AFF3: variants seen among roughly 807,000 people sequenced by gnomAD.
AFF3 encodes ALF transcription elongation factor 3.
AFF3 carries 32 observed loss-of-function variants against 129.7 expected under a neutral mutation model. The ratio of observed to expected loss-of-function variants is 0.25; its 90% CI spans 0.19 to 0.33. AFF3 has a LOEUF of 0.33. Among genes scored for constraint, AFF3 ranks in the 10% least tolerant of loss-of-function variants. The probability of loss-of-function intolerance (pLI) is 1.00; values close to 1 mark genes in which losing one functional copy is unlikely to be tolerated. For synonymous variants in AFF3, 644 were observed against 635.4 expected (o/e 1.01, Z -0.20); for missense variants, 1,373 against 1,592.0 (o/e 0.86, Z 2.34).
intron 7 of AFF3, among the ~76,000 whole-genome samples, chr2:100,003,594 A>G (rs1681659846): frequency 6.6e-6 from 1 of 152,302 alleles, no homozygotes; most frequent in South Asian, 2.1e-4. Context: ...AGAGTTAAAG[A>G]ATTCTCTTGA....
chr2:100,142,295 A>G (rs926850009), intron 1 of AFF3, among the ~76,000 whole-genome samples, 189 bp downstream of exon 1: 16 of 149,858 alleles, frequency 1.1e-4, no homozygotes, highest in Admixed American at 6.7e-5. Flanking sequence ...TTCCTTCTCA[A>G]TCCCTCTGGC....
At chr2:100,104,795 TGCA>T (rs1559128027) in intron 3 of AFF3, 1 of 721,778 alleles carries the variant, frequency 1.4e-6, no homozygotes, top group Non-Finnish European at 1.6e-6. Flanking sequence ...GGCCCGCTGC[TGCA>T]GCCGCCGCCG....
intron 4 of AFF3, among the ~76,000 whole-genome samples, chr2:100,078,930 T>C (rs888418293): frequency 2.4e-4 from 36 of 150,566 alleles, no homozygotes; most frequent in African/African-American, 8.5e-4. Flanking sequence ...TGGGGCTCCT[T>C]TGCTGAATAT....
chr2:100,134,514 A>C (rs1161884780), intron 1 of AFF3, among the ~76,000 whole-genome samples: 1 of 152,162 alleles, frequency 6.6e-6, no homozygotes, highest in Non-Finnish European at 1.5e-5. Context: ...AGTCAAAGCT[A>C]TCTTTATTTT....
intron 4 of AFF3, among the ~76,000 whole-genome samples, chr2:100,029,025 T>C (rs1468636228): frequency 6.6e-6 from 1 of 152,210 alleles, no homozygotes; most frequent in African/African-American, 2.4e-5. Flanking sequence ...CAAGCGTTTA[T>C]CAGTGGATGA....
intron 7 of AFF3, among the ~76,000 whole-genome samples, chr2:99,876,592 A>G (rs1015909711): frequency 6.6e-6 from 1 of 152,134 alleles, no homozygotes; most frequent in African/African-American, 2.4e-5. Flanking sequence ...CATAGAACCC[A>G]GAGGAGTCTC....
chr2:99,973,700 C>CT lies in AFF3; in HGVS notation c.873+32931dup, dbSNP rs34744903. ...AAATACCATCTTCAGTTTTTTTTTCCTTTTTTTTTTAATGAGCAGTTTAAT... is the reference window on the plus strand; with the variant it reads ...AAATACCATCTTCAGTTTTTTTTTCCTTTTTTTTTTTAATGAGCAGTTTAAT... On this transcript the variant is annotated intron_variant, in intron 7 of 24. Coordinates refer to ENST00000672756, the MANE Select transcript of AFF3 (RefSeq NM_001386135.1). Among the ~76,000 whole-genome samples, 775 of 146,744 alleles carry CT rather than the reference C, an allele frequency of 5.3e-3. 4 individuals are homozygous for CT. The highest frequency in any genetic ancestry group is 0.018 in the African/African-American group (702 of 40,024).
chr2:99,877,693 ATAC>A (rs1247330213), intron 7 of AFF3, among the ~76,000 whole-genome samples: 2 of 152,240 alleles, frequency 1.3e-5, no homozygotes, highest in Non-Finnish European at 2.9e-5. Context: ...TGAGCATAAT[ATAC>A]TACTTTGTTT....
chr2:99,699,310 C>T (rs1457557850), intron 11 of AFF3, among the ~76,000 whole-genome samples: 1 of 152,166 alleles, frequency 6.6e-6, no homozygotes, highest in Non-Finnish European at 1.5e-5. Context: ...CCTTTGATCA[C>T]TGGGGTCAGT....
At chr2:99,902,844 G>A (rs950908498) in intron 7 of AFF3, among the ~76,000 whole-genome samples, 14 of 152,060 alleles carry the variant, frequency 9.2e-5, no homozygotes, top group Non-Finnish European at 1.9e-4. Flanking sequence ...TGTCTGAAAG[G>A]CCTCCCATGC....
rs115074436 is a variant in AFF3 at position 99,851,210 on chromosome 2, C to T, written c.874-13686G>A. Among the ~76,000 whole-genome samples the T allele has an allele frequency of 5.3e-3, 803 of 152,300 alleles. 5 individuals carry two copies. Among genetic ancestry groups the T allele is most frequent in the Non-Finnish European group, 9.4e-3 (639 of 68,024 alleles). On this transcript the variant is annotated intron_variant, in intron 7 of 24. Transcript: ENST00000672756. ...CAGAGCCTTGCCTTAGAAAATACAT[C>T]ATAAATAATGCTTCTTACAAGACAG...
chr2:99,808,109 G>A (rs959325130), intron 8 of AFF3, among the ~76,000 whole-genome samples: 3 of 152,166 alleles, frequency 2.0e-5, no homozygotes, highest in African/African-American at 7.2e-5. Flanking sequence ...TTAGAAGAGT[G>A]GGTTAAAGAG....
chr2:99,601,644 G>C (rs772786011), intron 13 of AFF3, 23 bp from the exon 14 acceptor site: 3 of 1,579,894 alleles, frequency 1.9e-6, no homozygotes, highest in Non-Finnish European at 1.7e-6. Context: ...GAGGCCCCCG[G>C]GAAGCAGAGG....
intron 4 of AFF3, among the ~76,000 whole-genome samples, chr2:100,016,280 T>TG (rs1285288393): frequency 6.7e-6 from 1 of 149,826 alleles, no homozygotes; most frequent in Non-Finnish European, 1.5e-5. Flanking sequence ...GCAGTGGTAG[T>TG]GGGGGTGATG....
At chr2:99,837,429 G>C in intron 8 of AFF3, 48 bp downstream of exon 8, 1 of 1,554,092 alleles carries the variant, frequency 6.4e-7, no homozygotes, top group Non-Finnish European at 8.8e-7. Flanking sequence ...TTTCTATTTA[G>C]AGTCTATGTC....
At chr2:99,908,431 C>T (rs369449606) in intron 7 of AFF3, among the ~76,000 whole-genome samples, 4 of 152,182 alleles carry the variant, frequency 2.6e-5, no homozygotes, top group South Asian at 2.1e-4. Flanking sequence ...GGACTCATGT[C>T]TAAAACACCA....
At position 100,120,163 on chromosome 2, in the gene AFF3, A is replaced by G. The variant is rs143650567; in HGVS notation, c.-145+9061T>C. 2.7e-4 allele frequency among the ~76,000 whole-genome samples: 41 copies of G among 152,352 alleles called. No individual in the cohort carries two copies. The East Asian group carries it at 7.5e-3, about 28-fold the overall frequency. The stretch of plus-strand genomic sequence containing the variant: ...CTTAGAGAGGCTTACGATTGACAAA[A>G]TGGAAGGCGACACACCTGCCAGTGT... On this transcript the variant is annotated intron_variant, in intron 2 of 24. Coordinates refer to ENST00000672756, the MANE Select transcript of AFF3 (RefSeq NM_001386135.1).
intron 4 of AFF3, among the ~76,000 whole-genome samples, chr2:100,087,859 A>G (rs1439378772): frequency 1.3e-5 from 2 of 149,406 alleles, no homozygotes; most frequent in Non-Finnish European, 3.0e-5. Flanking sequence ...TAAAGTATAT[A>G]AAAGTATATT....
intron 4 of AFF3, among the ~76,000 whole-genome samples, chr2:100,035,014 ATCC>A (rs1442074581): frequency 6.6e-6 from 1 of 152,122 alleles, no homozygotes; most frequent in Non-Finnish European, 1.5e-5. Context: ...AGCTCCCTGT[ATCC>A]TCAAGGCCAC....
Sources: gnomAD v4.1 joint callset for allele counts (sites outside exome capture counted in the v4.1 genomes callset) on GRCh38, gnomAD v4.1.1 for gene constraint, MANE v1.5 for transcripts, NCBI Gene and HGNC (gene_info 2026-07-23, HGNC 2026-07-21) for gene names.